Variants in NUP98 observed in about 807,000 individuals in gnomAD.
NUP98 encodes nuclear pore complex protein Nup98-Nup96.
Under a neutral mutation model 191.9 loss-of-function variants are expected in NUP98, and 26 were observed. The ratio of observed to expected loss-of-function variants is 0.14; its 90% CI spans 0.10 to 0.19. NUP98 has a LOEUF of 0.19. Ranked by LOEUF, NUP98 falls within the 10% of genes least tolerant of loss-of-function variation. The probability of loss-of-function intolerance (pLI) is 1.00; values close to 1 mark genes in which losing one functional copy is unlikely to be tolerated. For synonymous variants in NUP98, 808 were observed against 778.4 expected, an observed-to-expected ratio of 1.04 and a Z score of -0.63; for missense variants, 1,941 against 2,178.8, an observed-to-expected ratio of 0.89 and a Z score of 2.17.
chr11:3,780,187 T>C (rs1312618199), intron 2 of NUP98, among the ~76,000 whole-genome samples: 2 of 151,634 alleles, frequency 1.3e-5, no homozygotes, highest in Non-Finnish European at 2.9e-5. Flanking sequence ...ACCACAGACA[T>C]GGACGTAGAA....
At chr11:3,722,093 G>A (rs1457350053) in intron 16 of NUP98, among the ~76,000 whole-genome samples, 1 of 143,606 alleles carries the variant, frequency 7.0e-6, no homozygotes, top group Non-Finnish European at 1.5e-5. Flanking sequence ...TACAGATTAA[G>A]CACCTGGAAT....
intron 16 of NUP98, chr11:3,721,081 T>C (rs2079383167): frequency 4.3e-6 from 1 of 232,008 alleles, no homozygotes; most frequent in South Asian, 1.1e-4. Flanking sequence ...TTACAGTAAA[T>C]AGCCTATTAA....
intron 11 of NUP98, among the ~76,000 whole-genome samples, chr11:3,753,044 A>C (rs965985637): frequency 2.0e-5 from 3 of 152,222 alleles, no homozygotes; most frequent in Non-Finnish European, 4.4e-5. Flanking sequence ...TCCTCATGAC[A>C]ATTCTCACAT....
Position 3,735,281 on chromosome 11 carries a change from G to T in NUP98, c.1452C>A (p.Leu484=). The change falls in exon 13 of 33, where the codon CTC becomes CTA. Residue 484 remains leucine (L), a synonymous_variant. Transcript: ENST00000324932. Reference sequence around the variant, plus strand: ...ATGTTAGACTATTGATGTGCTGCTGGAGAACAGCCTGCTGGGCAGCAGAAG... The same window carrying T: ...ATGTTAGACTATTGATGTGCTGCTGTAGAACAGCCTGCTGGGCAGCAGAAG... ...PNASAAQQAV[L]QQHINSLTYS... 1 of 1,582,356 alleles carries T rather than the reference G, an allele frequency of 6.3e-7. No homozygotes were observed.
intron 29 of NUP98, 143 bp from the exon 30 acceptor site, chr11:3,683,584 G>A (rs985810172): frequency 5.1e-5 from 44 of 860,432 alleles, no homozygotes; most frequent in Non-Finnish European, 7.3e-5. Flanking sequence ...TGTTGCCCAG[G>A]CTGGAGTGCA....
chr11:3,763,168 AGATT>A (rs944835932), intron 8 of NUP98, 129 bp from the exon 9 acceptor site: 2 of 811,706 alleles, frequency 2.5e-6, no homozygotes, highest in Admixed American at 6.0e-5. Context: ...TAACTTATAT[AGATT>A]ATTTCCTTCA....
intron 30 of NUP98, among the ~76,000 whole-genome samples, chr11:3,682,552 G>A (rs1289707123): frequency 6.6e-6 from 1 of 152,124 alleles, no homozygotes; most frequent in Non-Finnish European, 1.5e-5. Flanking sequence ...CCAGTTGATG[G>A]AGCAGCCAGA....
intron 1 of NUP98, among the ~76,000 whole-genome samples, chr11:3,790,567 CA>C (rs1420612078): frequency 6.6e-6 from 1 of 152,136 alleles, no homozygotes; most frequent in East Asian, 1.9e-4. Context: ...TGCTGATGTG[CA>C]AAATCAATGG....
chr11:3,753,474 G>T, intron 10 of NUP98, 66 bp from the exon 11 acceptor site: 3 of 1,241,862 alleles, frequency 2.4e-6, no homozygotes, highest in Non-Finnish European at 2.3e-6. Context: ...CTATAAGGGA[G>T]TTTAACACAA....
At chr11:3,710,078 G>C (rs10834920) in intron 20 of NUP98, among the ~76,000 whole-genome samples, 25,779 of 149,940 alleles carry the variant, frequency 0.17, 2,420 homozygotes, top group Non-Finnish European at 0.22. Context: ...TTTCAACATA[G>C]TTTTGAAACC....
chr11:3,726,541 G>C (rs1306601579), intron 14 of NUP98, among the ~76,000 whole-genome samples: 1 of 134,624 alleles, frequency 7.4e-6, no homozygotes, highest in Non-Finnish European at 1.6e-5. Flanking sequence ...AAAAAAAAAA[G>C]ACAAGGGTAT....
intron 4 of NUP98, among the ~76,000 whole-genome samples, chr11:3,776,376 C>T (rs1311323353): frequency 6.6e-6 from 1 of 152,012 alleles, no homozygotes; most frequent in Non-Finnish European, 1.5e-5. Context: ...CCTCCTACCT[C>T]GAAATCCTAA....
rs2079364756 is a variant in NUP98, at chr11:3,720,845, A to C, written c.2147-20T>G. On this transcript the variant is annotated intron_variant, in intron 16 of 32. Transcript: ENST00000324932. ...TAATACCTGTGACAAAAAAAAAAAA[A>C]AAAACAGAAAAAAAAATAACCTGAA... The C allele has an allele frequency of 1.0e-6, 1 of 970,818 alleles. No individual in the cohort carries two copies. The highest frequency in any genetic ancestry group is 2.3e-5 in the Admixed American group (1 of 44,184). The allele number at this position is 970,818 out of a possible 1,614,324, so 60.1% of individuals were successfully genotyped here.
intron 10 of NUP98, among the ~76,000 whole-genome samples, chr11:3,756,517 G>A (rs2080963852): frequency 1.3e-5 from 2 of 151,918 alleles, no homozygotes; most frequent in African/African-American, 4.8e-5. Flanking sequence ...CTGCCTCCTG[G>A]GTTCAAGTGA....
chr11:3,679,687 T>A lies in NUP98; in HGVS notation c.4940A>T (p.Tyr1647Phe). ...LASDAIINEN[Y>F]DYLKGFLEDL... ...TTCCAAGAACCCCTTCAGGTAGTCA[T>A]AGTTCTCATTAATGATGGCATCTGA... The change falls in exon 31 of 33, where the codon TAT becomes TTT. Residue 1647 changes from tyrosine to phenylalanine, a missense_variant. Tyr to Phe is a conservative substitution (Grantham distance 22). Transcript: ENST00000324932. 6.2e-7 allele frequency: 1 copy of A among 1,613,892 alleles called. No homozygotes were observed. Among genetic ancestry groups the A allele is most frequent in the South Asian group, 1.1e-5 (1 of 91,040 alleles).
Position 3,695,919 on chromosome 11 carries a change from T to C in NUP98, c.4010-313A>G, listed in dbSNP as rs369160072. ...CAAAATGGAGGAAAACAGCCCGGCA[T>C]GGTGGCTAATGCCTGTAATCCCAGC... On this transcript the variant is annotated intron_variant, in intron 25 of 32. Coordinates refer to ENST00000324932, the MANE Select transcript of NUP98 (RefSeq NM_016320.5). 1.7e-4 allele frequency among the ~76,000 whole-genome samples: 26 copies of C among 152,236 alleles called. No homozygotes were observed. In the East Asian group the frequency reaches 2.7e-3, roughly 16 times the overall value.
chr11:3,683,551 T>A, intron 29 of NUP98, 110 bp from the exon 30 acceptor site: 1 of 1,188,360 alleles, frequency 8.4e-7, no homozygotes, highest in Non-Finnish European at 1.2e-6. Flanking sequence ...AGGTCTTTTT[T>A]TTTTTTGATG....
chr11:3,781,397 G>C (rs1216541065), intron 2 of NUP98: 1 of 147,546 alleles, frequency 6.8e-6, no homozygotes, highest in Non-Finnish European at 1.5e-5. Context: ...TTTTAACAAA[G>C]TGTCACAGCT....
At position 3,676,148 on chromosome 11, in the gene NUP98, G is replaced by A; in HGVS notation, c.*11C>T. The stretch of plus-strand genomic sequence containing the variant: ...AATGGGCATGTGACTGTGATGCAAA[G>A]TGCCTGGGGCTCACAGGCTCCCAAC... On this transcript the variant is annotated 3_prime_UTR_variant, in exon 33 of 33. Coordinates refer to ENST00000324932, the MANE Select transcript of NUP98 (RefSeq NM_016320.5). The A allele has an allele frequency of 6.2e-7, 1 of 1,612,726 alleles. No homozygotes were observed. Among genetic ancestry groups the A allele is most frequent in the African/African-American group, 1.3e-5 (1 of 74,996 alleles).
Sources: gnomAD v4.1 joint callset for allele counts (sites outside exome capture counted in the v4.1 genomes callset) on GRCh38, gnomAD v4.1.1 for gene constraint, MANE v1.5 for transcripts, NCBI Gene and HGNC (gene_info 2026-07-23, HGNC 2026-07-21) for gene names.